The following FAM3C variants were observed in gnomAD, a reference collection of about 807,000 sequenced individuals.
The protein encoded by FAM3C is protein FAM3C.
A neutral mutation model predicts 32.5 loss-of-function variants in FAM3C; 15 were observed. The ratio of observed to expected loss-of-function variants is 0.46; its 90% CI spans 0.31 to 0.71. The LOEUF is 0.71. Among genes scored for constraint, FAM3C ranks in the 30% least tolerant of loss-of-function variants. The pLI, the probability that FAM3C is intolerant of heterozygous loss-of-function variation, is 0.05. For missense variants in FAM3C, 175 were observed against 274.4 expected (o/e 0.64, Z 2.56); for synonymous variants, 75 against 86.1 (o/e 0.87, Z 0.72).
intron 5 of FAM3C, among the ~76,000 whole-genome samples, chr7:121,369,797 G>T (rs1240394985): frequency 6.6e-6 from 1 of 152,202 alleles, no homozygotes; most frequent in East Asian, 1.9e-4. Flanking sequence ...ATCCTAGACA[G>T]AAGAGTATAC....
At chr7:121,371,273 T>A (rs1306925455) in intron 5 of FAM3C, 27 bp downstream of exon 5, 2 of 1,610,792 alleles carry the variant, frequency 1.2e-6, no homozygotes, top group East Asian at 4.5e-5. Context: ...TAGCACACCT[T>A]ATCGTCTCAA....
intron 8 of FAM3C, among the ~76,000 whole-genome samples, chr7:121,356,647 C>G (rs1793815394): frequency 6.6e-6 from 1 of 152,218 alleles, no homozygotes; most frequent in South Asian, 2.1e-4. Context: ...ACAAGAGAAT[C>G]TTGCCCAGGC....
chr7:121,395,041 G>A (rs774000627), intron 1 of FAM3C, among the ~76,000 whole-genome samples: 1 of 152,090 alleles, frequency 6.6e-6, no homozygotes, highest in Non-Finnish European at 1.5e-5. Flanking sequence ...TGTAAAACTA[G>A]AAAAGATAAA....
At chr7:121,352,138 G>A (rs920056341) in intron 8 of FAM3C, among the ~76,000 whole-genome samples, 1 of 152,184 alleles carries the variant, frequency 6.6e-6, no homozygotes, top group African/African-American at 2.4e-5. Flanking sequence ...GCTAAAACCT[G>A]AGGCAAGGCA....
intron 3 of FAM3C, among the ~76,000 whole-genome samples, chr7:121,377,785 C>A (rs1794268232): frequency 6.6e-6 from 1 of 152,182 alleles, no homozygotes; most frequent in Non-Finnish European, 1.5e-5. Context: ...TTACAGAATT[C>A]AGTACAGTAA....
At chr7:121,351,363 A>C in intron 8 of FAM3C, 94 bp from the exon 9 acceptor site, 5 of 1,140,484 alleles carry the variant, frequency 4.4e-6, no homozygotes, top group South Asian at 2.4e-5. Flanking sequence ...ATGAGACAAA[A>C]TGAGACTTTA....
rs1793729352 is a variant in FAM3C, at chr7:121,352,730, CA to C, written c.468-1462del. On this transcript the variant is annotated intron_variant, in intron 8 of 9. Transcript: ENST00000359943. The stretch of plus-strand genomic sequence containing the variant: ...ATCCATCACTTTCCACTTGTTTGCT[CA>C]CTTGATAACCAACTTTGGTGCTAGA... 2.0e-5 allele frequency among the ~76,000 whole-genome samples: 3 copies of C among 152,324 alleles called. No homozygotes were observed. In the South Asian group the frequency reaches 6.2e-4, roughly 32 times the overall value.
At chr7:121,361,858 T>C (rs1306574537) in intron 7 of FAM3C, among the ~76,000 whole-genome samples, 1 of 152,168 alleles carries the variant, frequency 6.6e-6, no homozygotes, top group Non-Finnish European at 1.5e-5. Flanking sequence ...TTTGTATTTT[T>C]AGTAGAGACG....
At chr7:121,362,004 T>C (rs962797635) in intron 7 of FAM3C, among the ~76,000 whole-genome samples, 1 of 152,162 alleles carries the variant, frequency 6.6e-6, no homozygotes, top group African/African-American at 2.4e-5. Flanking sequence ...AAGCTGAAGA[T>C]ATGTTGGAAA....
intron 1 of FAM3C, among the ~76,000 whole-genome samples, chr7:121,395,912 G>A (rs1321716255): frequency 6.6e-6 from 1 of 151,502 alleles, no homozygotes; most frequent in Admixed American, 6.6e-5. Context: ...TCTCCGCGGA[G>A]CCCGGGGATG....
chr7:121,370,302 G>T, intron 5 of FAM3C, among the ~76,000 whole-genome samples: 1 of 152,108 alleles, frequency 6.6e-6, no homozygotes, highest in Non-Finnish European at 1.5e-5. Flanking sequence ...CAAGAAAAGT[G>T]TTGTCCCATG....
chr7:121,372,518 G>A (rs1168442197), intron 3 of FAM3C, among the ~76,000 whole-genome samples: 2 of 152,120 alleles, frequency 1.3e-5, no homozygotes, highest in Non-Finnish European at 2.9e-5. Context: ...GTATGGTGTT[G>A]TACAGATACG....
rs754100974 is a variant in FAM3C at position 121,362,931 on chromosome 7, T to C, written c.348A>G (p.Val116=). The change falls in exon 7 of 10, where the codon GTA becomes GTG. Residue 116 remains valine, a synonymous_variant. Coordinates refer to ENST00000359943, the MANE Select transcript of FAM3C (RefSeq NM_014888.3). ...ACATGTCAAAATATTTAGTGTCTAA[T>C]ACTTCTCCTGTTTTTCCTAAAAGAG... ...VALANGKTGE[V]LDTKYFDMWG... 6.6e-7 allele frequency: 1 copy of C among 1,522,888 alleles called. No homozygotes were observed. Among genetic ancestry groups the C allele is most frequent in the Non-Finnish European group, 9.1e-7 (1 of 1,102,642 alleles). 94.3% of individuals were successfully genotyped at this position (1,522,888 alleles called of 1,614,324 possible). A position where few individuals can be genotyped will look rare whatever the true frequency, so the allele number is the denominator to read the frequency against.
chr7:121,356,174 A>C (rs769884406), intron 8 of FAM3C, among the ~76,000 whole-genome samples: 3 of 147,274 alleles, frequency 2.0e-5, no homozygotes, highest in Non-Finnish European at 4.5e-5. Flanking sequence ...TATTCAAAGA[A>C]ATGTAATCTC....
intron 2 of FAM3C, among the ~76,000 whole-genome samples, chr7:121,381,478 G>T (rs149238193): frequency 4.1e-4 from 62 of 152,246 alleles, no homozygotes; most frequent in South Asian, 2.5e-3. Flanking sequence ...CCTGGGAATT[G>T]TCAGAACCAG....
In FAM3C at chr7:121,372,137, T is replaced by C. The variant is rs1217370790; in HGVS notation, c.121A>G (p.Arg41Gly). Residue 41 changes from arginine (R) to glycine (G), a missense_variant and splice_region_variant, in exon 4 of 10, where the codon AGA becomes GGA. Transcript: ENST00000359943. ...MDASLGNLFARSALDTAARST... is the reference protein window; with the variant it reads ...MDASLGNLFAGSALDTAARST... ...CGTGCAGCTGTGTCCAATGCTGATC[T>C]TGCTGAAAAAAAAAAATTACTTTTG... 3 of 1,605,654 alleles carry C rather than the reference T, an allele frequency of 1.9e-6. No homozygotes were observed. The highest frequency in any genetic ancestry group is 2.2e-5 in the South Asian group (2 of 90,424).
At chr7:121,360,391 A>C (rs1253811384) in intron 7 of FAM3C, among the ~76,000 whole-genome samples, 1 of 152,170 alleles carries the variant, frequency 6.6e-6, no homozygotes, top group Non-Finnish European at 1.5e-5. Flanking sequence ...TAAGTGAAAA[A>C]AATCATAGCA....
chr7:121,359,365 T>A (rs958029161), intron 8 of FAM3C, among the ~76,000 whole-genome samples: 4 of 151,956 alleles, frequency 2.6e-5, no homozygotes, highest in Non-Finnish European at 4.4e-5. Flanking sequence ...CATAAACAAT[T>A]TTTTATAAAG....
chr7:121,368,729 C>T (rs995773593), intron 5 of FAM3C, among the ~76,000 whole-genome samples: 3 of 152,136 alleles, frequency 2.0e-5, no homozygotes, highest in Middle Eastern at 3.4e-3. Flanking sequence ...TCACTTCTCT[C>T]CAGAGCTATC....
Sources: allele counts gnomAD v4.1 joint callset (sites outside exome capture counted in the v4.1 genomes callset), GRCh38; gene constraint gnomAD v4.1.1; transcripts MANE v1.5; gene names NCBI Gene and HGNC (gene_info 2026-07-23, HGNC 2026-07-21).